Variants in FAM193A observed in about 807,000 individuals in gnomAD.
The protein encoded by FAM193A is family with sequence similarity 193 member A, also known as protein FAM193A.
A neutral mutation model predicts 126.5 loss-of-function variants in FAM193A; 22 were observed. That is an observed-to-expected ratio of 0.17 (90% CI 0.12 to 0.25). The LOEUF (loss-of-function observed/expected upper bound fraction) is 0.25. Among genes scored for constraint, FAM193A ranks in the 10% least tolerant of loss-of-function variants. The pLI is 1.00. For synonymous variants in FAM193A, 761 were observed against 646.8 expected (o/e 1.18, Z -2.68); for missense variants, 1,675 against 1,672.8 (o/e 1.00, Z -0.02).
At chr4:2,723,763 A>G (rs1222798979) in intron 20 of FAM193A, among the ~76,000 whole-genome samples, 1 of 152,032 alleles carries the variant, frequency 6.6e-6, no homozygotes, top group Non-Finnish European at 1.5e-5. Context: ...TTTTGATAGG[A>G]GACTCTGGTT....
At chr4:2,649,068 G>T (rs1745411968) in intron 7 of FAM193A, among the ~76,000 whole-genome samples, 1 of 152,120 alleles carries the variant, frequency 6.6e-6, no homozygotes, top group South Asian at 2.1e-4. Context: ...AGTTTTTTCT[G>T]TGTTATTTTT....
intron 8 of FAM193A, among the ~76,000 whole-genome samples, chr4:2,658,908 G>C (rs892992646): frequency 6.6e-6 from 1 of 152,066 alleles, no homozygotes; most frequent in African/African-American, 2.4e-5. Flanking sequence ...CAGCCACCAC[G>C]CCTGGCTAAT....
rs574051223 is a variant in FAM193A at position 2,649,237 on chromosome 4, G to A, written c.1311+2405G>A. Reference sequence around the variant, plus strand: ...AAAAATTAAAAAATTAGCCAGGCTGGGTGCCGTGTGTTTGTGGTTCCGGCC... The same window carrying A: ...AAAAATTAAAAAATTAGCCAGGCTGAGTGCCGTGTGTTTGTGGTTCCGGCC... On this transcript the variant is annotated intron_variant, in intron 7 of 20. Transcript: ENST00000637812. Among the ~76,000 whole-genome samples, 37 of 151,862 alleles carry A rather than the reference G, an allele frequency of 2.4e-4. 2 individuals carry two copies. In the South Asian group the frequency reaches 7.7e-3, roughly 32 times the overall value.
At chr4:2,608,764 G>A (rs1741689926) in intron 2 of FAM193A, among the ~76,000 whole-genome samples, 1 of 152,200 alleles carries the variant, frequency 6.6e-6, no homozygotes, top group East Asian at 1.9e-4. Flanking sequence ...ACCTGCAAGG[G>A]GACAGGCCTG....
At chr4:2,555,254 A>G (rs1738182606) in intron 1 of FAM193A, among the ~76,000 whole-genome samples, 1 of 152,206 alleles carries the variant, frequency 6.6e-6, no homozygotes, top group Non-Finnish European at 1.5e-5. Flanking sequence ...TTTGACCAGT[A>G]TGAGTTCAAA....
intron 1 of FAM193A, among the ~76,000 whole-genome samples, chr4:2,593,002 G>A (rs1740653826): frequency 6.6e-6 from 1 of 152,120 alleles, no homozygotes; most frequent in African/African-American, 2.4e-5. Context: ...GTGGGTAAGA[G>A]GAAAGGCGTT....
At chr4:2,595,831 C>T (rs1220289428) in intron 1 of FAM193A, among the ~76,000 whole-genome samples, 2 of 152,146 alleles carry the variant, frequency 1.3e-5, no homozygotes, top group African/African-American at 2.4e-5. Context: ...AAAAGTAATA[C>T]AGAAGTCAAG....
chr4:2,659,778 G>C, intron 9 of FAM193A, 34 bp from the exon 10 acceptor site: 1 of 1,614,052 alleles, frequency 6.2e-7, no homozygotes, highest in Non-Finnish European at 8.5e-7. Context: ...TTGTGCATTG[G>C]TTGGCTTGGT....
chr4:2,709,642 G>A (rs940213255), intron 19 of FAM193A, among the ~76,000 whole-genome samples: 4 of 152,094 alleles, frequency 2.6e-5, no homozygotes, highest in South Asian at 2.1e-4. Flanking sequence ...CCGGGAGGTG[G>A]AGGTTGCAGT....
At chr4:2,620,842 A>AAAAAAG (rs1175998628) in intron 2 of FAM193A, among the ~76,000 whole-genome samples, 4 of 151,206 alleles carry the variant, frequency 2.6e-5, no homozygotes, top group African/African-American at 7.3e-5. Flanking sequence ...GTCTCAAAAA[A>AAAAAAG]AAAAAAAAAA....
At chr4:2,681,382 G>C (rs529186487) in intron 13 of FAM193A, among the ~76,000 whole-genome samples, 1 of 151,676 alleles carries the variant, frequency 6.6e-6, no homozygotes, top group South Asian at 2.1e-4. Flanking sequence ...TCTTCTGCTA[G>C]CTTTGGGTTT....
chr4:2,687,348 A>G (rs908838777), intron 13 of FAM193A, among the ~76,000 whole-genome samples: 6 of 152,228 alleles, frequency 3.9e-5, no homozygotes, highest in Non-Finnish European at 8.8e-5. Flanking sequence ...TGGGCCAGGC[A>G]GTGTGCTCAA....
intron 1 of FAM193A, among the ~76,000 whole-genome samples, chr4:2,570,285 G>A (rs564957521): frequency 9.2e-5 from 14 of 152,094 alleles, no homozygotes; most frequent in Admixed American, 2.6e-4. Context: ...GTTGAATTCA[G>A]TGTGTTCAGA....
chr4:2,690,738 G>A lies in FAM193A; in HGVS notation c.2571G>A (p.Pro857=), dbSNP rs370439176. 9 of 1,613,738 alleles carry A rather than the reference G, an allele frequency of 5.6e-6. No individual in the cohort carries two copies. Among genetic ancestry groups the A allele is most frequent in the East Asian group, 4.5e-5 (2 of 44,890 alleles). Residue 857 remains proline, a synonymous_variant, in exon 15 of 21, where the codon CCG becomes CCA. Coordinates refer to ENST00000637812, the MANE Select transcript of FAM193A (RefSeq NM_001366318.2). ...GGCCAACACTCTCAGAAACAAGACCGGAAGCCCTTCCACCTCCATCTAGCA... is the reference window on the plus strand; with the variant it reads ...GGCCAACACTCTCAGAAACAAGACCAGAAGCCCTTCCACCTCCATCTAGCA... ...ILGPTLSETR[P]EALPPPSSNE...
intron 1 of FAM193A, among the ~76,000 whole-genome samples, chr4:2,558,738 C>T (rs555780985): frequency 4.6e-5 from 7 of 152,044 alleles, no homozygotes; most frequent in Non-Finnish European, 7.4e-5. Flanking sequence ...CAGTGGCTCA[C>T]GCCTGTAATC....
intron 13 of FAM193A, among the ~76,000 whole-genome samples, chr4:2,681,673 A>G (rs13139534): frequency 6.6e-6 from 1 of 152,064 alleles, no homozygotes; most frequent in Non-Finnish European, 1.5e-5. Flanking sequence ...CATGTTGCCC[A>G]GGTTGGTCTC....
intron 13 of FAM193A, among the ~76,000 whole-genome samples, chr4:2,674,833 C>CAA (rs75774261): frequency 6.0e-4 from 64 of 105,888 alleles, no homozygotes; most frequent in South Asian, 3.6e-3. Flanking sequence ...CTGTCTCTAC[C>CAA]AAAAAAAAAA....
chr4:2,689,820 A>C (rs1577210307), intron 14 of FAM193A, 116 bp downstream of exon 14: 1 of 685,240 alleles, frequency 1.5e-6, no homozygotes, highest in African/African-American at 1.9e-5. Context: ...CTGCTCCACC[A>C]CCTCTGTCTC....
chr4:2,577,521 C>A (rs868389198), intron 1 of FAM193A, among the ~76,000 whole-genome samples: 2 of 150,498 alleles, frequency 1.3e-5, no homozygotes, highest in Non-Finnish European at 2.9e-5. Context: ...TGGGTTCAAG[C>A]GATTCTACTG....
Sources: gnomAD v4.1 joint callset for allele counts (sites outside exome capture counted in the v4.1 genomes callset) on GRCh38, gnomAD v4.1.1 for gene constraint, MANE v1.5 for transcripts, NCBI Gene and HGNC (gene_info 2026-07-23, HGNC 2026-07-21) for gene names.